Variants in NSRP1 observed in about 807,000 individuals in gnomAD.
NSRP1 encodes the protein coiled-coil domain containing 55.
A neutral mutation model predicts 54.7 loss-of-function variants in NSRP1; 24 were observed. That is an observed-to-expected ratio of 0.44 (90% CI 0.32 to 0.62). The LOEUF (loss-of-function observed/expected upper bound fraction) is 0.62. NSRP1 is among the 20% of genes least tolerant of loss of function. NSRP1 has a pLI of 0.06. For synonymous variants in NSRP1, 210 were observed against 213.8 expected (o/e 0.98, Z 0.15); for missense variants, 596 against 651.2 (o/e 0.92, Z 0.92).
At chr17:30,130,244 C>G (rs577848641) in intron 2 of NSRP1, among the ~76,000 whole-genome samples, 1 of 152,184 alleles carries the variant, frequency 6.6e-6, no homozygotes, top group South Asian at 2.1e-4. Flanking sequence ...TACAGTCATG[C>G]ACTACCATGC....
intron 2 of NSRP1, among the ~76,000 whole-genome samples, chr17:30,152,015 T>G (rs1043410143): frequency 6.6e-6 from 1 of 152,084 alleles, no homozygotes; most frequent in African/African-American, 2.4e-5. Context: ...GTGATCTACC[T>G]GCCTCGGTCT....
chr17:30,185,015 G>C lies in NSRP1; in HGVS notation c.1018G>C (p.Glu340Gln). 1.2e-6 allele frequency: 2 copies of C among 1,614,120 alleles called. No homozygotes were observed. Among genetic ancestry groups the C allele is most frequent in the Non-Finnish European group, 1.7e-6 (2 of 1,180,038 alleles). Residue 340 changes from glutamate (E) to glutamine (Q), a missense_variant, in exon 7 of 7, where the codon GAA becomes CAA. Transcript: ENST00000247026. ...TTACACTGACCGTGATTACCGGAAA[G>C]AAAGGGATTCTCATAGGCACAGAGA... ...NHYTDRDYRKERDSHRHREAS... is the reference protein window; with the variant it reads ...NHYTDRDYRKQRDSHRHREAS...
intron 2 of NSRP1, among the ~76,000 whole-genome samples, chr17:30,147,612 C>T (rs936395206): frequency 5.9e-5 from 9 of 151,340 alleles, no homozygotes; most frequent in South Asian, 2.1e-4. Flanking sequence ...TACAGGCGCC[C>T]GCCACCACGC....
At chr17:30,173,009 G>T (rs913415951) in intron 3 of NSRP1, among the ~76,000 whole-genome samples, 7 of 151,454 alleles carry the variant, frequency 4.6e-5, no homozygotes, top group Non-Finnish European at 1.0e-4. Context: ...TGTTGCCCAG[G>T]CTGGAGTGCC....
At chr17:30,119,659 C>G (rs1335933813) in intron 2 of NSRP1, among the ~76,000 whole-genome samples, 2 of 152,140 alleles carry the variant, frequency 1.3e-5, no homozygotes, top group Non-Finnish European at 2.9e-5. Flanking sequence ...CACACCACCA[C>G]GCCTGGCTAA....
chr17:30,143,080 C>T (rs576152190), intron 2 of NSRP1, among the ~76,000 whole-genome samples: 1 of 152,208 alleles, frequency 6.6e-6, no homozygotes, highest in Non-Finnish European at 1.5e-5. Flanking sequence ...AAATCATACA[C>T]ATCTGCTTCC....
At chr17:30,147,256 G>GTAGC (rs2071864691) in intron 2 of NSRP1, among the ~76,000 whole-genome samples, 1 of 151,416 alleles carries the variant, frequency 6.6e-6, no homozygotes, top group South Asian at 2.1e-4. Flanking sequence ...AGCCTCCCAA[G>GTAGC]TAGCTGGGAT....
chr17:30,118,503 G>A (rs1014795841), intron 2 of NSRP1, among the ~76,000 whole-genome samples: 12 of 152,144 alleles, frequency 7.9e-5, no homozygotes, highest in African/African-American at 2.7e-4. Flanking sequence ...TAGCAAAGCA[G>A]TTTTTAATTT....
At chr17:30,178,336 C>T in intron 4 of NSRP1, 137 bp downstream of exon 4, 2 of 867,800 alleles carry the variant, frequency 2.3e-6, no homozygotes, top group Non-Finnish European at 3.4e-6. Flanking sequence ...CCAGATATTA[C>T]AAATTTGATT....
rs370397742 is a variant in NSRP1 at position 30,160,098 on chromosome 17, A to G, written c.115-12444A>G. On this transcript the variant is annotated intron_variant, in intron 2 of 6. Transcript: ENST00000247026. ...TTTTATTATGTTGATGTGATATATC[A>G]TATTTATTGATTTGCATATGGTAAA... 1.9e-4 allele frequency among the ~76,000 whole-genome samples: 29 copies of G among 152,310 alleles called. No homozygotes were observed. The East Asian group carries it at 5.6e-3, about 29-fold the overall frequency.
intron 2 of NSRP1, among the ~76,000 whole-genome samples, chr17:30,123,484 T>TA (rs1473244990): frequency 1.3e-5 from 2 of 152,196 alleles, no homozygotes; most frequent in African/African-American, 2.4e-5. Flanking sequence ...TCTTATTAGA[T>TA]ATATGGTTTG....
intron 6 of NSRP1, among the ~76,000 whole-genome samples, chr17:30,182,898 C>T (rs575276260): frequency 6.6e-6 from 1 of 152,278 alleles, no homozygotes; most frequent in South Asian, 2.1e-4. Context: ...TGCGCCACTG[C>T]ACTCCAGCTT....
rs181468727 is a variant in NSRP1, at chr17:30,153,649, A to G, written c.115-18893A>G. Among the ~76,000 whole-genome samples, 46 of 152,116 alleles carry G rather than the reference A, an allele frequency of 3.0e-4. No individual in the cohort carries two copies. The East Asian group carries it at 6.4e-3, about 21-fold the overall frequency. Reference sequence around the variant, plus strand: ...CTTTTTTAAAATAAAGTTTTATTGGAACACAGCCTTGCCATTTGTCTGTCT... The same window carrying G: ...CTTTTTTAAAATAAAGTTTTATTGGGACACAGCCTTGCCATTTGTCTGTCT... On this transcript the variant is annotated intron_variant, in intron 2 of 6. Coordinates refer to ENST00000247026, the MANE Select transcript of NSRP1 (RefSeq NM_032141.4).
At chr17:30,143,978 A>T (rs550564764) in intron 2 of NSRP1, 38 of 152,212 alleles carry the variant, frequency 2.5e-4, no homozygotes, top group Non-Finnish European at 5.1e-4. Flanking sequence ...CAAACATTTT[A>T]AAAATAATTT....
At chr17:30,140,308 C>T (rs548805346) in intron 2 of NSRP1, among the ~76,000 whole-genome samples, 2 of 151,958 alleles carry the variant, frequency 1.3e-5, no homozygotes, top group East Asian at 1.9e-4. Context: ...TTGTAATTTC[C>T]ACTGTGGTAA....
chr17:30,156,889 T>C (rs572203495), intron 2 of NSRP1, among the ~76,000 whole-genome samples: 1 of 152,170 alleles, frequency 6.6e-6, no homozygotes, highest in Non-Finnish European at 1.5e-5. Context: ...TGTCAATTCA[T>C]ATGTGATGGA....
At chr17:30,183,476 T>C (rs1437207034) in intron 6 of NSRP1, among the ~76,000 whole-genome samples, 1 of 152,222 alleles carries the variant, frequency 6.6e-6, no homozygotes, top group Non-Finnish European at 1.5e-5. Flanking sequence ...GGAATATTTA[T>C]TAGGCTGCCA....
intron 5 of NSRP1, 22 bp downstream of exon 5, chr17:30,179,319 G>T: frequency 6.5e-7 from 1 of 1,547,880 alleles, no homozygotes; most frequent in Non-Finnish European, 8.7e-7. Context: ...GAGTGGGAAA[G>T]GCACAAGGAA....
intron 2 of NSRP1, among the ~76,000 whole-genome samples, chr17:30,120,012 T>C (rs890533650): frequency 2.0e-5 from 3 of 152,128 alleles, no homozygotes; most frequent in African/African-American, 7.2e-5. Flanking sequence ...AACATTTCCC[T>C]CTCTCCCAAA....
Sources: allele counts gnomAD v4.1 joint callset (sites outside exome capture counted in the v4.1 genomes callset), GRCh38; gene constraint gnomAD v4.1.1; transcripts MANE v1.5; gene names NCBI Gene and HGNC (gene_info 2026-07-23, HGNC 2026-07-21).